PCNX1: variants seen among roughly 807,000 people sequenced by gnomAD.
The protein encoded by PCNX1 is pecanex 1.
PCNX1 carries 78 observed loss-of-function variants against 242.2 expected under a neutral mutation model. That is an observed-to-expected ratio of 0.32 (90% CI 0.27 to 0.39). The LOEUF is 0.39. PCNX1 is among the 10% of genes least tolerant of loss of function. The pLI, the probability that PCNX1 is intolerant of heterozygous loss-of-function variation, is 1.00. For missense variants in PCNX1, 2,581 were observed against 2,856.5 expected (o/e 0.90, Z 2.20); for synonymous variants, 1,024 against 1,032.9 (o/e 0.99, Z 0.17).
chr14:71,045,826 T>G (rs1286588423), intron 20 of PCNX1, among the ~76,000 whole-genome samples: 2 of 152,180 alleles, frequency 1.3e-5, no homozygotes, highest in East Asian at 3.8e-4. Flanking sequence ...CAATAAAGTA[T>G]AAAAGGATGG....
chr14:70,962,145 A>G (rs1595063471), intron 2 of PCNX1, 81 bp from the exon 3 acceptor site: 1 of 882,402 alleles, frequency 1.1e-6, no homozygotes, highest in Non-Finnish European at 1.9e-6. Context: ...GGAAAAAAGT[A>G]TAACTTAAAA....
intron 26 of PCNX1, among the ~76,000 whole-genome samples, chr14:71,066,518 T>TG: frequency 6.6e-6 from 1 of 152,184 alleles, no homozygotes; most frequent in East Asian, 1.9e-4. Context: ...GCTGAGACAG[T>TG]GGGGTTTTCT....
chr14:71,042,455 A>G lies in PCNX1; in HGVS notation c.3868-2678A>G, dbSNP rs942017433. 8.6e-5 allele frequency among the ~76,000 whole-genome samples: 13 copies of G among 151,832 alleles called. No homozygotes were observed. The East Asian group carries it at 2.5e-3, about 29-fold the overall frequency. On this transcript the variant is annotated intron_variant, in intron 19 of 35. Transcript: ENST00000304743. ...TCTCTTTTCATGTCTTTTGACTTGC[A>G]GTTTATTTTGTCTGATACAAGTATA...
At chr14:71,059,290 C>G (rs568802407) in intron 26 of PCNX1, among the ~76,000 whole-genome samples, 130 of 152,206 alleles carry the variant, frequency 8.5e-4, no homozygotes, top group Non-Finnish European at 1.6e-3. Context: ...ATTTGCCAAT[C>G]AAAACTCAAA....
chr14:70,950,646 A>G (rs1443019246), intron 2 of PCNX1, among the ~76,000 whole-genome samples: 1 of 152,032 alleles, frequency 6.6e-6, no homozygotes, highest in Admixed American at 6.6e-5. Context: ...AGTATTTAGT[A>G]TTTTGAAAAA....
intron 19 of PCNX1, 54 bp from the exon 20 acceptor site, chr14:71,045,079 T>C (rs972216921): frequency 7.7e-6 from 10 of 1,291,428 alleles, no homozygotes; most frequent in Non-Finnish European, 1.1e-5. Context: ...TTAGAATTTC[T>C]ACAATGAGTC....
chr14:70,946,989 G>T lies in PCNX1; in HGVS notation c.228G>T (p.Met76Ile), dbSNP rs1355590100. 6.2e-7 allele frequency: 1 copy of T among 1,613,732 alleles called. No individual in the cohort carries two copies. Among genetic ancestry groups the T allele is most frequent in the East Asian group, 2.2e-5 (1 of 44,860 alleles). ...VIAAVFIVLK[M>I]VNYRLHRALD... ...CTGCTGTTTTCATTGTTCTGAAGATGGTCAACTATCGACTACACAGAGCAC... is the reference window on the plus strand; with the variant it reads ...CTGCTGTTTTCATTGTTCTGAAGATTGTCAACTATCGACTACACAGAGCAC... The change falls in exon 2 of 36, where the codon ATG (methionine) becomes ATT (isoleucine). Residue 76 changes from methionine (M) to isoleucine (I), a missense_variant. Physicochemically the swap from Met to Ile is conservative, Grantham distance 10 (BLOSUM62 1). Transcript: ENST00000304743.
chr14:70,936,038 G>C (rs2056987865), intron 1 of PCNX1, among the ~76,000 whole-genome samples: 1 of 152,112 alleles, frequency 6.6e-6, no homozygotes, highest in African/African-American at 2.4e-5. Context: ...TGGTTATTTT[G>C]CTCAGAAAAG....
chr14:71,074,682 G>A (rs1163573152), intron 27 of PCNX1, among the ~76,000 whole-genome samples: 1 of 152,138 alleles, frequency 6.6e-6, no homozygotes, highest in Non-Finnish European at 1.5e-5. Context: ...TCTCCAGGAC[G>A]TCCAGAGGTC....
chr14:70,944,107 G>A (rs897345360), intron 1 of PCNX1, among the ~76,000 whole-genome samples: 4 of 152,250 alleles, frequency 2.6e-5, no homozygotes, highest in Non-Finnish European at 4.4e-5. Flanking sequence ...ATCCCATGCA[G>A]AGTCCCCACT....
chr14:71,031,697 GAGC>G, intron 16 of PCNX1: 1 of 824,162 alleles, frequency 1.2e-6, no homozygotes, highest in Non-Finnish European at 2.1e-6. Flanking sequence ...ATGAGCCCCA[GAGC>G]TAAGTGGCCT....
chr14:71,037,015 G>T (rs948877761), intron 19 of PCNX1, among the ~76,000 whole-genome samples: 7 of 151,872 alleles, frequency 4.6e-5, no homozygotes, highest in African/African-American at 1.7e-4. Context: ...TCCCTTGTAA[G>T]TTGGATTCCT....
At chr14:71,057,907 A>G (rs1461163260) in intron 26 of PCNX1, among the ~76,000 whole-genome samples, 183 bp downstream of exon 26, 1 of 152,218 alleles carries the variant, frequency 6.6e-6, no homozygotes, top group Non-Finnish European at 1.5e-5. Flanking sequence ...AAGAAGAATC[A>G]TGTTTGCAAT....
At chr14:71,018,891 C>T (rs2060024206) in intron 11 of PCNX1, 118 bp from the exon 12 acceptor site, 1 of 806,504 alleles carries the variant, frequency 1.2e-6, no homozygotes, top group Admixed American at 2.7e-5. Flanking sequence ...AAACTCAGTA[C>T]CAAAAAGACA....
chr14:71,009,762 A>G (rs767920664), intron 9 of PCNX1, 38 bp downstream of exon 9: 1 of 1,204,478 alleles, frequency 8.3e-7, no homozygotes, highest in Non-Finnish European at 1.2e-6. Context: ...GTGTACTTTC[A>G]TATGTTTGCC....
At position 70,968,306 on chromosome 14, in the gene PCNX1, A is replaced by G. The variant is rs568921646; in HGVS notation, c.514+63A>G. 3.9e-6 allele frequency: 4 copies of G among 1,017,348 alleles called. No homozygotes were observed. The East Asian group carries it at 7.2e-5, about 18-fold the overall frequency. The allele number at this position is 1,017,348 out of a possible 1,614,324, so 63.0% of individuals were successfully genotyped here. A position where few individuals can be genotyped will look rare whatever the true frequency, so the allele number is the denominator to read the frequency against. ...CCCTTTCATTTTGGTTGTAATGAAG[A>G]TAACAGTACTGTACATTCAAATGTA... On this transcript the variant is annotated intron_variant, in intron 4 of 35. Coordinates refer to ENST00000304743, the MANE Select transcript of PCNX1 (RefSeq NM_014982.3).
At chr14:70,908,919 G>A (rs940275472) in intron 1 of PCNX1, among the ~76,000 whole-genome samples, 4 of 152,206 alleles carry the variant, frequency 2.6e-5, no homozygotes, top group African/African-American at 4.8e-5. Context: ...AGGGTGGGGC[G>A]TTAGGGAAAC....
chr14:71,011,637 A>C (rs1473308416), intron 10 of PCNX1, 88 bp downstream of exon 10: 1 of 819,444 alleles, frequency 1.2e-6, no homozygotes, highest in East Asian at 2.6e-5. Context: ...AAAGCCATAA[A>C]AATTGATGAA....
At chr14:71,087,263 A>G (rs1595475024) in intron 28 of PCNX1, among the ~76,000 whole-genome samples, 1 of 152,136 alleles carries the variant, frequency 6.6e-6, no homozygotes, top group Admixed American at 6.5e-5. Context: ...TGCCTACTTG[A>G]TGAAACTAGA....
Sources: allele counts gnomAD v4.1 joint callset (sites outside exome capture counted in the v4.1 genomes callset), GRCh38; gene constraint gnomAD v4.1.1; transcripts MANE v1.5; gene names NCBI Gene and HGNC (gene_info 2026-07-23, HGNC 2026-07-21).